GET1: variants seen among roughly 807,000 people sequenced by gnomAD.
GET1 encodes guided entry of tail-anchored proteins factor 1, also known as congenital heart disease 5 protein.
A neutral mutation model predicts 22.6 loss-of-function variants in GET1; 20 were observed. The ratio of observed to expected loss-of-function variants is 0.89; its 90% CI spans 0.62 to 1.29. The LOEUF (loss-of-function observed/expected upper bound fraction) is 1.29. Among genes scored for constraint, GET1 ranks in the 50% most tolerant of loss-of-function variants. GET1 has a pLI of 0.00. For missense variants in GET1, 209 were observed against 219.9 expected (o/e 0.95, Z 0.31); for synonymous variants, 92 against 83.8 (o/e 1.10, Z -0.53).
intron 1 of GET1, among the ~76,000 whole-genome samples, chr21:39,414,696 A>C (rs2040729714): frequency 7.0e-6 from 1 of 143,488 alleles, no homozygotes; most frequent in African/African-American, 2.6e-5. Context: ...GCAGTACTGC[A>C]TCTGTCTGGT....
At chr21:39,386,094 G>A (rs1184381146) in intron 1 of GET1, 1 of 152,296 alleles carries the variant, frequency 6.6e-6, no homozygotes, top group Non-Finnish European at 1.5e-5. Context: ...TTGCCTTCTG[G>A]GCTTACGGGC....
intron 1 of GET1, chr21:39,420,796 C>A: frequency 6.2e-7 from 1 of 1,613,328 alleles, no homozygotes. Context: ...CAATAGCCAG[C>A]TGCCGGCTAA....
chr21:39,405,795 T>C, intron 4 of GET1: 1 of 1,027,772 alleles, frequency 9.7e-7, no homozygotes, highest in Non-Finnish European at 1.4e-6. Flanking sequence ...ATACATACAC[T>C]CCCTCTCTCA....
At chr21:39,406,789 G>T, downstream of GET1, 1 of 526,042 alleles carries the variant, frequency 1.9e-6, no homozygotes, top group Non-Finnish European at 3.3e-6. Context: ...TAACAAATGT[G>T]TTATGTTACA....
At position 39,387,933 on chromosome 21, in the gene GET1, C is replaced by G. The variant is rs147572918; in HGVS notation, c.103-2765C>G. ...CTTTAGATACACTATAACATTTCGT[C>G]TTTATTAATCTATTTTTAAAATTTC... On this transcript the variant is annotated intron_variant, in intron 1 of 4. Transcript: ENST00000649170. 6.7e-4 allele frequency: 542 copies of G among 813,236 alleles called. 4 individuals are homozygous for G. In the African/African-American group the frequency reaches 8.9e-3, roughly 13 times the overall value. 50.4% of individuals were successfully genotyped at this position (813,236 alleles called of 1,614,324 possible). A position where few individuals can be genotyped will look rare whatever the true frequency, so the allele number is the denominator to read the frequency against.
chr21:39,385,886 A>G (rs1168270161), intron 1 of GET1, among the ~76,000 whole-genome samples: 8 of 151,806 alleles, frequency 5.3e-5, no homozygotes, highest in East Asian at 1.9e-4. Flanking sequence ...GCGCGGGCTC[A>G]GAGTCTATGC....
At chr21:39,394,899 G>T (rs1168163150) in intron 4 of GET1, among the ~76,000 whole-genome samples, 1 of 151,732 alleles carries the variant, frequency 6.6e-6, no homozygotes, top group East Asian at 1.9e-4. Flanking sequence ...TTTGAGGCAG[G>T]GTCTTGCTCT....
At chr21:39,417,921 A>G (rs1006345261) in intron 1 of GET1, among the ~76,000 whole-genome samples, 1 of 152,084 alleles carries the variant, frequency 6.6e-6, no homozygotes, top group African/African-American at 2.4e-5. Context: ...GCCCGCCACC[A>G]TGCCTGGTTA....
rs1335596247 is a variant in GET1 at position 39,397,506 on chromosome 21, CTT to C, written c.*568_*569del. 1 of 152,330 alleles carries C rather than the reference CTT, an allele frequency of 6.6e-6. No individual in the cohort carries two copies. The highest frequency in any genetic ancestry group is 1.9e-4 in the East Asian group (1 of 5,200). The allele number at this position is 152,330 out of a possible 1,614,324, so 9.4% of individuals were successfully genotyped here. Reference sequence around the variant, plus strand: ...AGAGTTGTATAGTATTATCTACTTACTTGAGGCTGTTAATTTTTCATTACAGT... The same window carrying C: ...AGAGTTGTATAGTATTATCTACTTACGAGGCTGTTAATTTTTCATTACAGT... On this transcript the variant is annotated 3_prime_UTR_variant, in exon 5 of 5. Coordinates refer to ENST00000649170, the MANE Select transcript of GET1 (RefSeq NM_004627.6).
downstream of GET1, among the ~76,000 whole-genome samples, chr21:39,402,000 T>G (rs974041948): frequency 1.3e-5 from 2 of 152,138 alleles, no homozygotes; most frequent in African/African-American, 4.8e-5. Context: ...ATGTTGAAAT[T>G]AGGGCAACAT....
At position 39,380,543 on chromosome 21, in the gene GET1, C is replaced by A. The variant is rs1022428941; in HGVS notation, c.102+57C>A. ...TGGGGATGCCGCCCCAGTCCCCCGG[C>A]GGGTCTGGCGTAGGTACAGGGGTCT... On this transcript the variant is annotated intron_variant, in intron 1 of 4. Transcript: ENST00000649170. 2.6e-6 allele frequency: 4 copies of A among 1,568,468 alleles called. No homozygotes were observed. In the Admixed American group the frequency reaches 5.6e-5, roughly 22 times the overall value.
intron 1 of GET1, among the ~76,000 whole-genome samples, chr21:39,419,466 A>G (rs1859672387): frequency 6.7e-6 from 1 of 148,962 alleles, no homozygotes; most frequent in Non-Finnish European, 1.5e-5. Flanking sequence ...TCGAGGCTGC[A>G]GTGAGCCAGG....
chr21:39,401,321 T>G (rs994748210), downstream of GET1, among the ~76,000 whole-genome samples: 60 of 152,314 alleles, frequency 3.9e-4, no homozygotes, highest in African/African-American at 1.4e-3. Flanking sequence ...GTGCTGTGAT[T>G]ACAGGTGTGA....
intron 4 of GET1, among the ~76,000 whole-genome samples, chr21:39,404,674 C>G (rs548745888): frequency 6.7e-6 from 1 of 149,848 alleles, no homozygotes; most frequent in Non-Finnish European, 1.5e-5. Context: ...CGCTTGAACC[C>G]CGGCAGGGCG....
intron 1 of GET1, chr21:39,428,070 G>T: frequency 2.9e-6 from 2 of 692,418 alleles, no homozygotes; most frequent in Non-Finnish European, 5.1e-6. Flanking sequence ...TACAATATGG[G>T]AAAACAATAA....
downstream of GET1, among the ~76,000 whole-genome samples, chr21:39,409,718 G>C (rs1314394935): frequency 6.6e-6 from 1 of 152,138 alleles, no homozygotes; most frequent in Non-Finnish European, 1.5e-5. This position sits in a 1 kb window ranked among gnomAD's most constrained non-coding sequence, Gnocchi z 4.2. Context: ...TCAGCCTCCT[G>C]AGTAGCTGGG....
At chr21:39,392,988 A>G (rs2038405369) in intron 3 of GET1, 178 bp from the exon 4 acceptor site, 1 of 557,364 alleles carries the variant, frequency 1.8e-6, no homozygotes, top group Non-Finnish European at 3.2e-6. Flanking sequence ...AGGTTTCACC[A>G]AGGGACATTA....
At chr21:39,423,302 C>G (rs755430643) in intron 1 of GET1, 2 of 1,609,506 alleles carry the variant, frequency 1.2e-6, no homozygotes, top group Non-Finnish European at 1.7e-6. Flanking sequence ...AATTGGTTTT[C>G]TGTAAGGATG....
chr21:39,416,229 C>T (rs2147384676), intron 1 of GET1, among the ~76,000 whole-genome samples: 1 of 152,296 alleles, frequency 6.6e-6, no homozygotes, highest in South Asian at 2.1e-4. Context: ...CATGCTGTTC[C>T]CTAGTATCCT....
Sources: gnomAD v4.1 joint callset for allele counts (sites outside exome capture counted in the v4.1 genomes callset) on GRCh38, gnomAD v4.1.1 for gene constraint, Gnocchi (gnomAD v3.1) non-coding constraint, MANE v1.5 for transcripts, NCBI Gene and HGNC (gene_info 2026-07-23, HGNC 2026-07-21) for gene names.